DNAH3: variants seen among roughly 807,000 people sequenced by gnomAD.
The protein encoded by DNAH3 is axonemal beta dynein heavy chain 3.
DNAH3 carries 332 observed loss-of-function variants against 432.5 expected under a neutral mutation model. The ratio of observed to expected loss-of-function variants is 0.77; its 90% CI spans 0.70 to 0.84. The LOEUF (loss-of-function observed/expected upper bound fraction) is 0.84. Among genes scored for constraint, DNAH3 ranks in the 40% least tolerant of loss-of-function variants. DNAH3 has a pLI of 0.00. For synonymous variants in DNAH3, 1,956 were observed against 1,900.2 expected, an observed-to-expected ratio of 1.03 and a Z score of -0.76; for missense variants, 4,861 against 5,114.0, an observed-to-expected ratio of 0.95 and a Z score of 1.51.
chr16:20,948,575 G>C, exon 57 of DNAH3: 7 of 1,614,154 alleles, frequency 4.3e-6, no homozygotes, highest in Non-Finnish European at 5.9e-6. Flanking sequence ...AACATGGACA[G>C]AAGTGACAGC....
intron 39 of DNAH3, among the ~76,000 whole-genome samples, chr16:21,022,850 G>A (rs186930557): frequency 4.2e-4 from 64 of 151,802 alleles, no homozygotes; most frequent in African/African-American, 1.4e-3. Flanking sequence ...GGGTTCAAGC[G>A]ATTCTCCTGC....
chr16:21,039,465 C>T (rs563536205), intron 33 of DNAH3, among the ~76,000 whole-genome samples: 1 of 152,062 alleles, frequency 6.6e-6, no homozygotes, highest in Non-Finnish European at 1.5e-5. Context: ...AGTGATACCC[C>T]GCCTTGCCTG....
chr16:21,146,541 A>G (rs574699762), intron 1 of DNAH3, among the ~76,000 whole-genome samples: 3 of 152,304 alleles, frequency 2.0e-5, no homozygotes, highest in East Asian at 1.9e-4. Context: ...GTGTATATAC[A>G]TTATAGAGTG....
At chr16:20,959,045 G>T in intron 54 of DNAH3, 134 bp downstream of exon 54, 1 of 888,286 alleles carries the variant, frequency 1.1e-6, no homozygotes, top group Non-Finnish European at 1.7e-6. Flanking sequence ...TGGGATTACA[G>T]ACATGAGCCA....
At chr16:21,136,092 G>T (rs2092638777) in intron 6 of DNAH3, among the ~76,000 whole-genome samples, 1 of 151,890 alleles carries the variant, frequency 6.6e-6, no homozygotes, top group Non-Finnish European at 1.5e-5. Flanking sequence ...TGGAATCAGG[G>T]TGGCAAATGA....
At chr16:21,030,817 A>G (rs950684612) in intron 37 of DNAH3, among the ~76,000 whole-genome samples, 3 of 152,196 alleles carry the variant, frequency 2.0e-5, no homozygotes, top group African/African-American at 7.2e-5. Flanking sequence ...ACTAAGGCTC[A>G]CTATTCAACG....
At chr16:21,101,879 A>T (rs2091846131) in intron 16 of DNAH3, among the ~76,000 whole-genome samples, 1 of 152,212 alleles carries the variant, frequency 6.6e-6, no homozygotes, top group African/African-American at 2.4e-5. Context: ...AGAATCCAAC[A>T]CTGCAGATTG....
At position 21,039,887 on chromosome 16, in the gene DNAH3, G is replaced by C. The variant is rs330150; in HGVS notation, c.4695C>G (p.Ile1565Met). The C allele has an allele frequency of 0.11, 174,067 of 1,612,088 alleles. 10,248 individuals carry two copies. Among genetic ancestry groups the C allele is most frequent in the African/African-American group, 0.2 (15,278 of 74,894 alleles). Residue 1565 changes from isoleucine to methionine, a missense_variant, in exon 33 of 62, where the codon ATC becomes ATG. Ile to Met is a conservative substitution (Grantham distance 10). Transcript: ENST00000261383. ...CCAGAAACCCCATGGAGTAGAGGGA[G>C]ATTTCTCCAATGAGGGCGTAATCTG...
chr16:21,098,636 G>T lies in DNAH3; in HGVS notation c.2500C>A (p.Arg834=), dbSNP rs373647786. 16 of 1,613,058 alleles carry T rather than the reference G, an allele frequency of 9.9e-6. No homozygotes were observed. The East Asian group carries it at 3.3e-4, about 34-fold the overall frequency. Residue 834 remains arginine (R), a synonymous_variant, in exon 17 of 62, where the codon CGG becomes AGG. Transcript: ENST00000261383. ...CAAACCTCAAACTCTGCAAACGCCC[G>T]ATTTAGGTTCTTTGAAAGCTCATTA...
chr16:20,981,957 TATA>T, intron 49 of DNAH3, among the ~76,000 whole-genome samples: 1 of 147,724 alleles, frequency 6.8e-6, no homozygotes, highest in East Asian at 2.0e-4. Flanking sequence ...ATAAAGCACA[TATA>T]TTATATATAA....
At chr16:20,970,086 G>T in intron 51 of DNAH3, 96 bp from the exon 52 acceptor site, 1 of 1,174,232 alleles carries the variant, frequency 8.5e-7, no homozygotes, top group Non-Finnish European at 1.3e-6. Context: ...AGAAGGAAGA[G>T]GTGCTTCCTC....
At chr16:21,100,595 T>C (rs1179172293) in intron 16 of DNAH3, among the ~76,000 whole-genome samples, 1 of 152,228 alleles carries the variant, frequency 6.6e-6, no homozygotes, top group Non-Finnish European at 1.5e-5. Flanking sequence ...TCTTCCCTTC[T>C]TCCTCCAGGG....
At chr16:20,970,021 G>C (rs374752930) in intron 51 of DNAH3, 31 bp from the exon 52 acceptor site, 1 of 1,607,120 alleles carries the variant, frequency 6.2e-7, no homozygotes, top group South Asian at 1.1e-5. Flanking sequence ...AAGGAGATGA[G>C]TGCCCAGGGC....
At chr16:21,099,061 T>C (rs1567788742) in intron 16 of DNAH3, among the ~76,000 whole-genome samples, 1 of 152,220 alleles carries the variant, frequency 6.6e-6, no homozygotes, top group Non-Finnish European at 1.5e-5. Flanking sequence ...GTATAAGATA[T>C]ATGTACACGT....
intron 25 of DNAH3, 47 bp downstream of exon 25, chr16:21,062,435 T>G (rs748677953): frequency 2.0e-5 from 30 of 1,534,230 alleles, no homozygotes; most frequent in Non-Finnish European, 2.6e-5. Context: ...GCTCTCTGAT[T>G]TACTCTGTTA....
At chr16:20,944,715 G>A in intron 57 of DNAH3, 52 bp from the exon 58 acceptor site, 1 of 1,589,722 alleles carries the variant, frequency 6.3e-7, no homozygotes, top group Non-Finnish European at 8.6e-7. Context: ...GAATCCCACA[G>A]ATGACTCCAG....
intron 41 of DNAH3, among the ~76,000 whole-genome samples, chr16:21,008,693 G>C (rs568314784): frequency 2.6e-5 from 4 of 151,992 alleles, no homozygotes; most frequent in Admixed American, 1.3e-4. Context: ...TTTCCTCTCC[G>C]TTGGTGATTT....
At chr16:21,123,828 C>T (rs1597431239) in intron 9 of DNAH3, among the ~76,000 whole-genome samples, 1 of 151,916 alleles carries the variant, frequency 6.6e-6, no homozygotes, top group African/African-American at 2.4e-5. Context: ...CTCGCTCTGT[C>T]ACCCAGGCTG....
intron 45 of DNAH3, 37 bp downstream of exon 45, chr16:20,987,905 C>G: frequency 6.2e-7 from 1 of 1,614,066 alleles, no homozygotes; most frequent in Non-Finnish European, 8.5e-7. Context: ...CTGAGAACCC[C>G]CAGCCCACTA....
Sources: allele counts gnomAD v4.1 joint callset (sites outside exome capture counted in the v4.1 genomes callset), GRCh38; gene constraint gnomAD v4.1.1; transcripts MANE v1.5; gene names NCBI Gene and HGNC (gene_info 2026-07-23, HGNC 2026-07-21).